RGPD2: variants seen among roughly 807,000 people sequenced by gnomAD.
RGPD2 encodes the protein RANBP2 like and GRIP domain containing 2.
Under a neutral mutation model 36.0 loss-of-function variants are expected in RGPD2, and 2 were observed. The observed-to-expected ratio is 0.06, with a 90% CI of 0.02 to 0.17. The LOEUF (loss-of-function observed/expected upper bound fraction) is 0.17. Among genes scored for constraint, RGPD2 ranks in the 10% least tolerant of loss-of-function variants. The pLI, the probability that RGPD2 is intolerant of heterozygous loss-of-function variation, is 1.00. For synonymous variants in RGPD2, 19 were observed against 163.8 expected (o/e 0.12, Z 6.75); for missense variants, 40 against 464.3 (o/e 0.09, Z 8.40).
rs375840471 is a variant in RGPD2, at chr2:87,813,125, C to T, written c.403-919G>A. ...CAATAACATCATCAAGTTTTAAGCA[C>T]CTGTAAACACATATAAATACACACA... On this transcript the variant is annotated intron_variant, in intron 4 of 22. Coordinates refer to ENST00000398146, the MANE Select transcript of RGPD2 (RefSeq NM_001078170.3). Among the ~76,000 whole-genome samples the T allele has an allele frequency of 7.9e-4, 121 of 152,312 alleles. No homozygotes were observed. The East Asian group carries it at 0.017, about 22-fold the overall frequency.
the RGPD2 span, among the ~76,000 whole-genome samples, chr2:87,922,064 C>G: frequency 6.6e-6 from 1 of 151,362 alleles, no homozygotes; most frequent in Admixed American, 6.6e-5. Context: ...GAGGCTGAGG[C>G]GGGCGGATCA....
the RGPD2 span, among the ~76,000 whole-genome samples, chr2:87,976,022 G>A: frequency 1.3e-5 from 2 of 149,976 alleles, no homozygotes; most frequent in African/African-American, 4.9e-5. Context: ...GAGAGGTTGG[G>A]GGAAAAAAAG....
At chr2:87,985,589 T>G in the RGPD2 span, 1 of 810,376 alleles carries the variant, frequency 1.2e-6, no homozygotes, top group South Asian at 1.6e-5. Flanking sequence ...TTACAACATA[T>G]AGATACAATA....
the RGPD2 span, among the ~76,000 whole-genome samples, chr2:87,964,982 AC>A: frequency 1.3e-5 from 2 of 151,758 alleles, no homozygotes; most frequent in Non-Finnish European, 2.9e-5. Context: ...TCCCTACCTT[AC>A]CCCCACCAAA....
the RGPD2 span, among the ~76,000 whole-genome samples, chr2:87,868,806 G>T: frequency 6.6e-6 from 1 of 151,918 alleles, no homozygotes; most frequent in African/African-American, 2.4e-5. Context: ...GTATCAGAGA[G>T]TCTTTACCTT....
At chr2:87,986,113 G>A in the RGPD2 span, among the ~76,000 whole-genome samples, 12 of 140,530 alleles carry the variant, frequency 8.5e-5, no homozygotes, top group Admixed American at 6.7e-4. Flanking sequence ...ATTCAACAGG[G>A]CTTGAAAGGG....
At chr2:87,938,192 G>C in the RGPD2 span, among the ~76,000 whole-genome samples, 3 of 151,482 alleles carry the variant, frequency 2.0e-5, no homozygotes, top group Non-Finnish European at 3.0e-5. Context: ...TATGTCAGTG[G>C]GTAGAGAAAG....
the RGPD2 span, among the ~76,000 whole-genome samples, chr2:87,858,154 T>C: frequency 1.3e-5 from 2 of 152,156 alleles, no homozygotes; most frequent in Admixed American, 6.5e-5. Flanking sequence ...GGTGCGTGCC[T>C]GTAATCCCAG....
chr2:87,945,199 T>C, the RGPD2 span, among the ~76,000 whole-genome samples: 815 of 151,564 alleles, frequency 5.4e-3, no homozygotes, highest in African/African-American at 0.019. Context: ...AAGTTAATTT[T>C]ATATTAATAT....
the RGPD2 span, among the ~76,000 whole-genome samples, chr2:87,869,783 T>C: frequency 2.0e-5 from 3 of 152,186 alleles, no homozygotes; most frequent in African/African-American, 7.2e-5. Context: ...TTCCAGCTTT[T>C]TTAAAAGTAA....
At chr2:87,943,886 T>A in the RGPD2 span, among the ~76,000 whole-genome samples, 1 of 152,224 alleles carries the variant, frequency 6.6e-6, no homozygotes, top group South Asian at 2.1e-4. Flanking sequence ...TTTTCTAATA[T>A]ATAATCTTGA....
At chr2:87,874,065 T>C in the RGPD2 span, among the ~76,000 whole-genome samples, 4 of 147,108 alleles carry the variant, frequency 2.7e-5, no homozygotes, top group African/African-American at 5.0e-5. Context: ...TTGCCTATGG[T>C]TTTTTTTTTC....
chr2:87,915,186 T>TTA, the RGPD2 span, among the ~76,000 whole-genome samples: 2 of 151,030 alleles, frequency 1.3e-5, no homozygotes, highest in African/African-American at 4.9e-5. Flanking sequence ...GGAAACTTGT[T>TTA]TATATAATGA....
the RGPD2 span, among the ~76,000 whole-genome samples, chr2:87,959,041 G>GATAT: frequency 4.1e-5 from 1 of 24,548 alleles, no homozygotes; most frequent in African/African-American, 7.2e-5. Flanking sequence ...AATTCAGGGA[G>GATAT]ATATATATAT....
the RGPD2 span, among the ~76,000 whole-genome samples, chr2:87,881,231 G>A: frequency 6.6e-6 from 1 of 150,816 alleles, no homozygotes. Flanking sequence ...ACTTTTCCAG[G>A]TACAAGGTGT....
chr2:87,988,914 C>T, the RGPD2 span, among the ~76,000 whole-genome samples: 3 of 152,014 alleles, frequency 2.0e-5, no homozygotes, highest in Admixed American at 1.3e-4. Flanking sequence ...CTAGCACATC[C>T]TTCACCTGTA....
At chr2:87,937,184 A>C in the RGPD2 span, among the ~76,000 whole-genome samples, 1 of 151,894 alleles carries the variant, frequency 6.6e-6, no homozygotes, top group Non-Finnish European at 1.5e-5. Flanking sequence ...AAGATCTGGT[A>C]GAGTCAGAAA....
At chr2:87,854,085 T>C in the RGPD2 span, among the ~76,000 whole-genome samples, 1 of 149,454 alleles carries the variant, frequency 6.7e-6, no homozygotes, top group African/African-American at 2.5e-5. Flanking sequence ...AGCCTAACTT[T>C]CCCAGGCTGA....
intron 4 of RGPD2, among the ~76,000 whole-genome samples, chr2:87,813,111 T>C (rs1350006044): frequency 5.9e-5 from 9 of 152,242 alleles, no homozygotes; most frequent in Admixed American, 5.9e-4. Context: ...AATAACATCA[T>C]CAAGTTTTAA....
Sources: gnomAD v4.1 joint callset for allele counts (sites outside exome capture counted in the v4.1 genomes callset) on GRCh38, gnomAD v4.1.1 for gene constraint, MANE v1.5 for transcripts, NCBI Gene and HGNC (gene_info 2026-07-23, HGNC 2026-07-21) for gene names.